NOL4L: variants seen among roughly 807,000 people sequenced by gnomAD.
The protein encoded by NOL4L is nucleolar protein 4 like, also known as nucleolar protein 4-like.
Under a neutral mutation model 64.5 loss-of-function variants are expected in NOL4L, and 7 were observed. That is an observed-to-expected ratio of 0.11 (90% CI 0.06 to 0.20). NOL4L has a LOEUF of 0.20. Ranked by LOEUF, NOL4L falls within the 10% of genes least tolerant of loss-of-function variation. The pLI is 1.00. For missense variants in NOL4L, 680 were observed against 967.1 expected, an observed-to-expected ratio of 0.70 and a Z score of 3.94; for synonymous variants, 413 against 401.0, an observed-to-expected ratio of 1.03 and a Z score of -0.36.
rs936550831 is a variant in NOL4L, at chr20:32,467,539, T to C, written c.841+7062A>G. Among the ~76,000 whole-genome samples the C allele has an allele frequency of 9.9e-5, 15 of 152,142 alleles. No individual in the cohort carries two copies. In the South Asian group the frequency reaches 3.1e-3, roughly 32 times the overall value. On this transcript the variant is annotated intron_variant, in intron 5 of 10. Coordinates refer to ENST00000621426, the MANE Select transcript of NOL4L (RefSeq NM_001256798.2). ...GCAGTCAGGGTCCCACAGGCCTCCA[T>C]GGCAGAGGGGACCAAGGGAGACCAG...
chr20:32,571,153 C>A (rs1979724325), intron 1 of NOL4L, among the ~76,000 whole-genome samples: 1 of 152,154 alleles, frequency 6.6e-6, no homozygotes, highest in African/African-American at 2.4e-5. Context: ...TCCTAGGGAA[C>A]TGCTGGTTTG....
intron 1 of NOL4L, among the ~76,000 whole-genome samples, chr20:32,532,834 A>C (rs1046842460): frequency 6.6e-6 from 1 of 152,192 alleles, no homozygotes; most frequent in Non-Finnish European, 1.5e-5. Context: ...AAGAACCACG[A>C]AAAACACACA....
intron 1 of NOL4L, among the ~76,000 whole-genome samples, chr20:32,584,133 G>GCAAACA (rs1555811188): frequency 1.1e-5 from 1 of 88,800 alleles, no homozygotes; most frequent in Non-Finnish European, 2.1e-5. Flanking sequence ...CTCCGCGCGC[G>GCAAACA]CACACACACA....
chr20:32,527,417 C>G (rs890061718), intron 2 of NOL4L, among the ~76,000 whole-genome samples: 9 of 152,134 alleles, frequency 5.9e-5, no homozygotes, highest in African/African-American at 2.2e-4. Context: ...GCACCCCAGC[C>G]CCAGAACAGG....
In NOL4L at chr20:32,453,696, G is replaced by A. The variant is rs1414762989; in HGVS notation, c.1185C>T (p.Asp395=). ...IKTEVSGCPE[D]LTVGRAPTAD... is the part of the protein sequence containing the mutation. The stretch of plus-strand genomic sequence containing the variant: ...CCGTCGGGGCCCGGCCCACTGTCAG[G>A]TCCTCAGGGCAGCCGCTGACCTCGG... The change falls in exon 7 of 11, where the codon GAC becomes GAT. Residue 395 remains aspartate, a synonymous_variant. Transcript: ENST00000621426. This position sits in a 1 kb window ranked among gnomAD's most constrained non-coding sequence, Gnocchi z 5.6. 1.9e-6 allele frequency: 3 copies of A among 1,564,580 alleles called. No homozygotes were observed. Among genetic ancestry groups the A allele is most frequent in the Admixed American group, 1.9e-5 (1 of 51,944 alleles).
chr20:32,573,183 G>GTTT (rs1323552021), intron 1 of NOL4L, among the ~76,000 whole-genome samples: 1 of 151,968 alleles, frequency 6.6e-6, no homozygotes, highest in Non-Finnish European at 1.5e-5. Context: ...GCCCAGCTAA[G>GTTT]TTTTTTTAGT....
At chr20:32,579,161 A>AC (rs917907487) in intron 1 of NOL4L, among the ~76,000 whole-genome samples, 2 of 152,070 alleles carry the variant, frequency 1.3e-5, no homozygotes, top group African/African-American at 4.8e-5. Context: ...ACGCAGTCAC[A>AC]CCCGCAGCTG....
In NOL4L at chr20:32,453,558, T is replaced by C; in HGVS notation, c.1305+18A>G. The C allele has an allele frequency of 6.2e-7, 1 of 1,613,804 alleles. No homozygotes were observed. The highest frequency in any genetic ancestry group is 8.5e-7 in the Non-Finnish European group (1 of 1,179,676). On this transcript the variant is annotated intron_variant, in intron 7 of 10. Coordinates refer to ENST00000621426, the MANE Select transcript of NOL4L (RefSeq NM_001256798.2). The surrounding 1 kb of genome is among the most constrained non-coding windows in gnomAD (Gnocchi z 5.6). ...CCTTGCCCCCATCCCACCCCACCTG[T>C]TTCCGGCCGGTGCTCACGTTGAAGG...
intron 5 of NOL4L, among the ~76,000 whole-genome samples, chr20:32,462,527 CTGTT>C (rs1041863552): frequency 2.1e-4 from 32 of 152,092 alleles, no homozygotes; most frequent in Non-Finnish European, 4.1e-4. Flanking sequence ...GCGCCTGTCA[CTGTT>C]TGGGGAAAGA....
At chr20:32,564,548 G>A (rs1214392001) in intron 1 of NOL4L, among the ~76,000 whole-genome samples, 3 of 152,238 alleles carry the variant, frequency 2.0e-5, no homozygotes. Context: ...CCATTTTGCA[G>A]CAGAAGAAAC....
At position 32,515,721 on chromosome 20, in the gene NOL4L, C is replaced by T. The variant is rs377441777; in HGVS notation, c.590-4265G>A. Among the ~76,000 whole-genome samples the T allele has an allele frequency of 1.5e-3, 222 of 152,238 alleles. 4 individuals carry two copies. The South Asian group carries it at 0.018, about 12-fold the overall frequency. On this transcript the variant is annotated intron_variant, in intron 3 of 10. Transcript: ENST00000621426. ...CCCTGCCCATGGTCAACATGTGGTGCCACACTCGAGCCTCTACAAATGACC... is the reference window on the plus strand; with the variant it reads ...CCCTGCCCATGGTCAACATGTGGTGTCACACTCGAGCCTCTACAAATGACC...
chr20:32,453,489 C>G lies in NOL4L; in HGVS notation c.1312G>C (p.Val438Leu). Reference sequence around the variant, plus strand: ...AGGTTCTCGTCCACAAAGAGACGCACAAACATCTGTGGAGACACGGGCCAT... The same window carrying G: ...AGGTTCTCGTCCACAAAGAGACGCAGAAACATCTGTGGAGACACGGGCCAT... Reference protein sequence around the residue: ...PERLKAFNMFVRLFVDENLDR... With the variant: ...PERLKAFNMFLRLFVDENLDR... The change falls in exon 8 of 11, where the codon GTG (valine) becomes CTG (leucine). Residue 438 changes from valine to leucine, a missense_variant. Val to Leu is a conservative substitution (Grantham distance 32). Transcript: ENST00000621426. The surrounding 1 kb of genome is among the most constrained non-coding windows in gnomAD (Gnocchi z 5.6). 6.2e-7 allele frequency: 1 copy of G among 1,614,050 alleles called. No individual in the cohort carries two copies. The highest frequency in any genetic ancestry group is 8.5e-7 in the Non-Finnish European group (1 of 1,179,946).
At chr20:32,575,911 C>A (rs1219813788) in intron 1 of NOL4L, among the ~76,000 whole-genome samples, 1 of 152,150 alleles carries the variant, frequency 6.6e-6, no homozygotes, top group Non-Finnish European at 1.5e-5. Context: ...AAGAGCTGGC[C>A]ATGCAGAGAT....
chr20:32,563,984 G>A (rs531194741), intron 1 of NOL4L, among the ~76,000 whole-genome samples: 2 of 152,358 alleles, frequency 1.3e-5, no homozygotes, highest in African/African-American at 4.8e-5. Flanking sequence ...AGGAAAGGCC[G>A]AGCTTGCAGG....
intron 4 of NOL4L, among the ~76,000 whole-genome samples, chr20:32,488,855 CTTTCTTTCTTTCTTTCTTTCT>C (rs1568649250): frequency 2.2e-4 from 16 of 73,622 alleles, no homozygotes; most frequent in African/African-American, 1.2e-3. Flanking sequence ...TTCTTTCTTT[CTTTCTTTCTTTCTTTCTTTCT>C]TTCTTTCTTT....
intron 1 of NOL4L, among the ~76,000 whole-genome samples, chr20:32,540,104 C>A: frequency 6.6e-6 from 1 of 152,200 alleles, no homozygotes; most frequent in East Asian, 1.9e-4. Flanking sequence ...GGTCTGTCTG[C>A]TGGGCTGGGC....
chr20:32,515,852 CACA>C (rs901243457), intron 3 of NOL4L, among the ~76,000 whole-genome samples: 3 of 152,186 alleles, frequency 2.0e-5, no homozygotes, highest in African/African-American at 7.2e-5. Context: ...GCAAGAGAAG[CACA>C]ACAAGAGCCC....
At chr20:32,551,795 AT>A (rs939921585) in intron 1 of NOL4L, among the ~76,000 whole-genome samples, 15 of 148,248 alleles carry the variant, frequency 1.0e-4, no homozygotes, top group South Asian at 4.3e-4. Flanking sequence ...TGTATTTATT[AT>A]TTTTTTTTTA....
chr20:32,562,529 G>A (rs1298091089), intron 1 of NOL4L, among the ~76,000 whole-genome samples: 6 of 152,044 alleles, frequency 3.9e-5, no homozygotes, highest in African/African-American at 1.4e-4. Flanking sequence ...TTAGCCCCTT[G>A]GTGAGCCTCA....
Sources: gnomAD v4.1 joint callset for allele counts (sites outside exome capture counted in the v4.1 genomes callset) on GRCh38, gnomAD v4.1.1 for gene constraint, Gnocchi (gnomAD v3.1) non-coding constraint, MANE v1.5 for transcripts, NCBI Gene and HGNC (gene_info 2026-07-23, HGNC 2026-07-21) for gene names.